PCDHAC2: variants seen among roughly 807,000 people sequenced by gnomAD.
PCDHAC2 encodes the protein protocadherin alpha-C2.
Under a neutral mutation model 63.3 loss-of-function variants are expected in PCDHAC2, and 24 were observed. The ratio of observed to expected loss-of-function variants is 0.38; its 90% CI spans 0.27 to 0.53. The LOEUF (loss-of-function observed/expected upper bound fraction) is 0.53. Ranked by LOEUF, PCDHAC2 falls within the 20% of genes least tolerant of loss-of-function variation. The pLI is 0.81. For missense variants in PCDHAC2, 1,181 were observed against 1,275.2 expected, an observed-to-expected ratio of 0.93 and a Z score of 1.12; for synonymous variants, 569 against 529.4, an observed-to-expected ratio of 1.07 and a Z score of -1.03.
chr5:140,987,579 G>A (rs1587244490), intron 3 of PCDHAC2, among the ~76,000 whole-genome samples: 1 of 152,280 alleles, frequency 6.6e-6, no homozygotes, highest in East Asian at 1.9e-4. Flanking sequence ...TCTATAAAAT[G>A]GGGAGAATAG....
rs2096057641 is a variant in PCDHAC2, at chr5:140,966,814, CCGG to C, written c.53_55del (p.Arg18del). The C allele has an allele frequency of 1.9e-6, 3 of 1,552,444 alleles. No homozygotes were observed. Among genetic ancestry groups the C allele is most frequent in the Non-Finnish European group, 2.6e-6 (3 of 1,152,936 alleles). On this transcript the variant is annotated inframe_deletion, in exon 1 of 4. Transcript: ENST00000289269. ...CTGCGGCGACAGAGCATCCACGGCTCCGGCGGCCCATGCCCTGGCTGCTGCTAC... is the reference window on the plus strand; with the variant it reads ...CTGCGGCGACAGAGCATCCACGGCTCCGGCCCATGCCCTGGCTGCTGCTAC...
At chr5:140,971,778 G>C (rs1346530602) in intron 1 of PCDHAC2, among the ~76,000 whole-genome samples, 2 of 151,860 alleles carry the variant, frequency 1.3e-5, no homozygotes, top group Non-Finnish European at 2.9e-5. Context: ...TATTATTCAA[G>C]ATTATTCAAT....
At chr5:140,973,004 G>A (rs1183511655) in intron 1 of PCDHAC2, among the ~76,000 whole-genome samples, 4 of 152,096 alleles carry the variant, frequency 2.6e-5, no homozygotes, top group African/African-American at 9.7e-5. Flanking sequence ...ATTTGTGGTC[G>A]TGGTGTTGTG....
chr5:140,972,773 T>C (rs201511055), intron 1 of PCDHAC2, among the ~76,000 whole-genome samples: 2 of 151,600 alleles, frequency 1.3e-5, no homozygotes, highest in African/African-American at 2.4e-5. Context: ...AAGTGATTCT[T>C]CTGCCTCAGC....
chr5:140,981,446 T>C (rs1586884316), intron 2 of PCDHAC2, among the ~76,000 whole-genome samples: 4 of 152,058 alleles, frequency 2.6e-5, no homozygotes, highest in Admixed American at 1.3e-4. Context: ...TGGTGGCGGG[T>C]GCCTGTAGTC....
At position 140,995,103 on chromosome 5, in the gene PCDHAC2, C is replaced by T. The variant is rs535399594; in HGVS notation, c.2713+12540C>T. Reference sequence around the variant, plus strand: ...CAAACTTATCTGTGGAGATACATTCCAAGACCCTCAGTGGATGCCTGAAAC... The same window carrying T: ...CAAACTTATCTGTGGAGATACATTCTAAGACCCTCAGTGGATGCCTGAAAC... On this transcript the variant is annotated intron_variant, in intron 3 of 3. Coordinates refer to ENST00000289269, the MANE Select transcript of PCDHAC2 (RefSeq NM_018899.6). 1.1e-4 allele frequency among the ~76,000 whole-genome samples: 16 copies of T among 152,290 alleles called. No individual in the cohort carries two copies. In the South Asian group the frequency reaches 2.9e-3, roughly 28 times the overall value.
At chr5:141,005,953 A>G (rs1036085493) in intron 3 of PCDHAC2, among the ~76,000 whole-genome samples, 1 of 152,052 alleles carries the variant, frequency 6.6e-6, no homozygotes, top group Non-Finnish European at 1.5e-5. Context: ...TCTCTAACAA[A>G]CAACAATAAA....
intron 3 of PCDHAC2, among the ~76,000 whole-genome samples, chr5:141,003,290 G>A (rs1302166316): frequency 1.3e-5 from 2 of 152,176 alleles, no homozygotes; most frequent in Non-Finnish European, 2.9e-5. Flanking sequence ...TTGGATTATA[G>A]GATTACATGA....
chr5:141,009,760 A>T lies in PCDHAC2; in HGVS notation c.2847A>T (p.Gly949=), dbSNP rs782167920. The change falls in exon 4 of 4, where the codon GGA becomes GGT. Residue 949 remains glycine, a synonymous_variant. Transcript: ENST00000289269. ...TGCCCGACAAATTCATTATCCCAGG[A>T]TCTCCTGCAATCATCTCCATCCGGC... ...GELPDKFIIP[G]SPAIISIRQE... is the part of the protein sequence containing the mutation. 1.9e-6 allele frequency: 3 copies of T among 1,614,130 alleles called. No individual in the cohort carries two copies. Among genetic ancestry groups the T allele is most frequent in the Admixed American group, 3.3e-5 (2 of 60,020 alleles).
Position 140,967,471 on chromosome 5 carries a change from A to G in PCDHAC2, c.705A>G (p.Pro235=), listed in dbSNP as rs2096144842. The change falls in exon 1 of 4, where the codon CCA becomes CCG. Residue 235 remains proline, a synonymous_variant. Coordinates refer to ENST00000289269, the MANE Select transcript of PCDHAC2 (RefSeq NM_018899.6). ...LVLTAVDGGI[P]ARSGTAQISV... is the part of the protein sequence containing the mutation. ...TCACAGCCGTGGATGGGGGCATCCC[A>G]GCCCGCTCGGGTACGGCACAGATCT... 1.9e-6 allele frequency: 3 copies of G among 1,613,466 alleles called. No individual in the cohort carries two copies. The highest frequency in any genetic ancestry group is 1.7e-4 in the Middle Eastern group (1 of 6,060).
chr5:140,975,707 A>G (rs1445809800), intron 1 of PCDHAC2, among the ~76,000 whole-genome samples: 1 of 152,204 alleles, frequency 6.6e-6, no homozygotes, highest in East Asian at 1.9e-4. Context: ...ATTTTACTTT[A>G]AATCTTAGAA....
chr5:140,980,058 A>C (rs1554241393), intron 2 of PCDHAC2, among the ~76,000 whole-genome samples: 1 of 152,254 alleles, frequency 6.6e-6, no homozygotes, highest in Non-Finnish European at 1.5e-5. Context: ...ATTCAGAAGC[A>C]ATCAGTGAAG....
intron 1 of PCDHAC2, among the ~76,000 whole-genome samples, chr5:140,972,181 AC>A: frequency 6.6e-6 from 1 of 152,234 alleles, no homozygotes; most frequent in Admixed American, 6.5e-5. Flanking sequence ...TTGGCCTGTC[AC>A]CCAGGCTGGA....
intron 1 of PCDHAC2, among the ~76,000 whole-genome samples, chr5:140,973,344 A>G (rs1389229715): frequency 1.3e-5 from 2 of 152,258 alleles, no homozygotes; most frequent in African/African-American, 2.4e-5. Flanking sequence ...AAAGTGACAT[A>G]GTAGTGAATT....
At chr5:140,999,321 A>G (rs1043394227) in intron 3 of PCDHAC2, among the ~76,000 whole-genome samples, 32 of 152,198 alleles carry the variant, frequency 2.1e-4, no homozygotes, top group Non-Finnish European at 3.2e-4. Context: ...ACAGACATTG[A>G]TCTGTGTGAT....
chr5:140,967,998 G>A lies in PCDHAC2; in HGVS notation c.1232G>A (p.Arg411Gln), dbSNP rs1554230183. The A allele has an allele frequency of 1.9e-6, 3 of 1,614,040 alleles. No individual in the cohort carries two copies. Among genetic ancestry groups the A allele is most frequent in the African/African-American group, 1.3e-5 (1 of 74,916 alleles). The stretch of plus-strand genomic sequence containing the variant: ...GGTCTGGAGGCCACACTGCCTTTCC[G>A]ACTGAATGGCTTTGGAAACTCCTAT... ...SLGLEATLPF[R>Q]LNGFGNSYTL... Residue 411 changes from arginine (R) to glutamine (Q), a missense_variant, in exon 1 of 4, where the codon CGA becomes CAA. This residue lies in a region of PCDHAC2 where 968 missense variants were observed against 1,073.5 expected (regional missense o/e 0.90). Transcript: ENST00000289269.
At position 140,968,363 on chromosome 5, in the gene PCDHAC2, G is replaced by T. The variant is rs1448494733; in HGVS notation, c.1597G>T (p.Ala533Ser). ...SINSASGSLY[A>S]VNSFDYEKFR... ...TAACAGTGCCAGTGGCAGCCTTTAT[G>T]CTGTCAACTCCTTTGACTATGAGAA... Residue 533 changes from alanine (A) to serine (S), a missense_variant, in exon 1 of 4, where the codon GCT (alanine) becomes TCT (serine). Physicochemically the swap from Ala to Ser is moderately conservative, Grantham distance 99. Coordinates refer to ENST00000289269, the MANE Select transcript of PCDHAC2 (RefSeq NM_018899.6). The T allele has an allele frequency of 6.2e-7, 1 of 1,614,090 alleles. No individual in the cohort carries two copies. The highest frequency in any genetic ancestry group is 2.2e-5 in the East Asian group (1 of 44,888).
intron 3 of PCDHAC2, among the ~76,000 whole-genome samples, chr5:140,996,245 G>A (rs2097718426): frequency 6.6e-6 from 1 of 152,220 alleles, no homozygotes; most frequent in South Asian, 2.1e-4. Context: ...AGGCTGAGAA[G>A]TGACAGCAAC....
intron 3 of PCDHAC2, among the ~76,000 whole-genome samples, chr5:141,002,568 C>T (rs1554258737): frequency 6.6e-6 from 1 of 152,182 alleles, no homozygotes; most frequent in Admixed American, 6.5e-5. Context: ...AGTTAGTGAC[C>T]ATGTGACCAT....
Sources: gnomAD v4.1 joint callset for allele counts (sites outside exome capture counted in the v4.1 genomes callset) on GRCh38, gnomAD v4.1.1 for gene constraint, gnomAD v4.1.1 regional missense constraint, MANE v1.5 for transcripts, NCBI Gene and HGNC (gene_info 2026-07-23, HGNC 2026-07-21) for gene names.